AFF3: variants seen among roughly 807,000 people sequenced by gnomAD.
AFF3 encodes ALF transcription elongation factor 3.
In AFF3, 32 loss-of-function variants were observed where a neutral mutation model predicts 129.7. The ratio of observed to expected loss-of-function variants is 0.25; its 90% CI spans 0.19 to 0.33. The LOEUF is 0.33. Among genes scored for constraint, AFF3 ranks in the 10% least tolerant of loss-of-function variants. The pLI is 1.00. For missense variants in AFF3, 1,373 were observed against 1,592.0 expected (o/e 0.86, Z 2.34); for synonymous variants, 644 against 635.4 (o/e 1.01, Z -0.20).
rs979645956 is a variant in AFF3 at position 99,813,034 on chromosome 2, C to CA, written c.921+24442dup. 7.8e-4 allele frequency among the ~76,000 whole-genome samples: 112 copies of CA among 143,110 alleles called. 1 individual carries two copies. In the East Asian group the frequency reaches 0.012, roughly 16 times the overall value. 93.9% of individuals were successfully genotyped at this position (143,110 alleles called of 152,430 possible). ...GTGTCAAAATGAAGGGCTTGACCTC[C>CA]AAAAAAAAAAAGATAATCAGGAAAT... is the stretch of plus-strand genomic sequence containing the variant. On this transcript the variant is annotated intron_variant, in intron 8 of 24. Coordinates refer to ENST00000672756, the MANE Select transcript of AFF3 (RefSeq NM_001386135.1).
chr2:99,800,008 T>G (rs975619152), intron 8 of AFF3, among the ~76,000 whole-genome samples: 2 of 152,122 alleles, frequency 1.3e-5, no homozygotes, highest in African/African-American at 2.4e-5. Flanking sequence ...CATTGTGACT[T>G]TAGATTATAC....
chr2:100,014,807 G>T (rs1397374357), intron 4 of AFF3, among the ~76,000 whole-genome samples: 2 of 107,862 alleles, frequency 1.9e-5, no homozygotes, highest in African/African-American at 7.5e-5. Flanking sequence ...TTTTTTAGAC[G>T]GAGTCTCACT....
chr2:100,050,747 C>T (rs563405782), intron 4 of AFF3, among the ~76,000 whole-genome samples: 2 of 152,320 alleles, frequency 1.3e-5, no homozygotes, highest in South Asian at 4.2e-4. Context: ...ATCATTACCC[C>T]CTCATCTCCC....
At chr2:99,994,419 G>GT (rs974904960) in intron 7 of AFF3, among the ~76,000 whole-genome samples, 15 of 152,056 alleles carry the variant, frequency 9.9e-5, no homozygotes, top group East Asian at 9.7e-4. Flanking sequence ...ATGTTTGTTA[G>GT]TTTTTTTTCC....
intron 7 of AFF3, among the ~76,000 whole-genome samples, chr2:99,942,430 T>A (rs752922496): frequency 1.3e-4 from 20 of 148,542 alleles, no homozygotes; most frequent in Non-Finnish European, 2.4e-4. Context: ...CTTCAGAAAA[T>A]AAGGATGATG....
At chr2:99,834,780 C>G (rs189468333) in intron 8 of AFF3, among the ~76,000 whole-genome samples, 31 of 152,324 alleles carry the variant, frequency 2.0e-4, no homozygotes, top group Middle Eastern at 3.4e-3. Context: ...CTCACTTCCA[C>G]TTGCCAGCGG....
At chr2:100,009,947 G>T (rs554835670) in intron 4 of AFF3, among the ~76,000 whole-genome samples, 3 of 152,236 alleles carry the variant, frequency 2.0e-5, no homozygotes, top group African/African-American at 7.2e-5. Context: ...CAGTGACCTG[G>T]CCATCATTCT....
intron 4 of AFF3, among the ~76,000 whole-genome samples, chr2:100,071,528 G>A (rs1190677657): frequency 2.0e-5 from 3 of 152,074 alleles, no homozygotes; most frequent in African/African-American, 4.8e-5. Flanking sequence ...GAAACACGTC[G>A]GGAGAGAGGA....
At chr2:100,047,258 T>G (rs1685912568) in intron 4 of AFF3, among the ~76,000 whole-genome samples, 1 of 152,238 alleles carries the variant, frequency 6.6e-6, no homozygotes, top group African/African-American at 2.4e-5. Context: ...ATGTGCCCAA[T>G]GTACTTTATT....
At chr2:99,886,006 T>C (rs1693084569) in intron 7 of AFF3, among the ~76,000 whole-genome samples, 1 of 152,118 alleles carries the variant, frequency 6.6e-6, no homozygotes, top group South Asian at 2.1e-4. Context: ...ACGCAGACAG[T>C]GAAAGTTTAT....
At chr2:99,719,299 T>C (rs6542889) in intron 11 of AFF3, among the ~76,000 whole-genome samples, 82,576 of 151,826 alleles carry the variant, frequency 0.54, 22,698 homozygotes, top group East Asian at 0.67. Context: ...TAAATCCTGC[T>C]TAGTCATAGT....
intron 1 of AFF3, among the ~76,000 whole-genome samples, chr2:100,132,489 T>C (rs1692463384): frequency 6.6e-6 from 1 of 152,150 alleles, no homozygotes; most frequent in Non-Finnish European, 1.5e-5. Context: ...CAATAAGATA[T>C]AATAACTTAA....
At chr2:100,042,141 T>C (rs1232841498) in intron 4 of AFF3, among the ~76,000 whole-genome samples, 1 of 152,150 alleles carries the variant, frequency 6.6e-6, no homozygotes, top group Non-Finnish European at 1.5e-5. Flanking sequence ...TCTTTGTCTC[T>C]TGAACAAGCT....
intron 7 of AFF3, among the ~76,000 whole-genome samples, chr2:99,996,118 A>C (rs895521344): frequency 6.6e-6 from 1 of 152,210 alleles, no homozygotes; most frequent in Non-Finnish European, 1.5e-5. Context: ...ATACAAATAA[A>C]TTATAGGATA....
chr2:99,819,910 C>A (rs1558881486), intron 8 of AFF3, among the ~76,000 whole-genome samples: 1 of 152,190 alleles, frequency 6.6e-6, no homozygotes, highest in Non-Finnish European at 1.5e-5. Flanking sequence ...CCTGTTGTTG[C>A]TCTTACTGGG....
intron 7 of AFF3, among the ~76,000 whole-genome samples, chr2:99,880,246 A>G (rs1353522991): frequency 1.3e-5 from 2 of 152,150 alleles, no homozygotes; most frequent in Admixed American, 6.5e-5. Context: ...ACATTTGTAC[A>G]TGTTATTAAA....
At chr2:100,123,967 CA>C (rs1298326634) in intron 2 of AFF3, among the ~76,000 whole-genome samples, 1 of 146,368 alleles carries the variant, frequency 6.8e-6, no homozygotes, top group Non-Finnish European at 1.5e-5. Flanking sequence ...ATTAATATGC[CA>C]GGGGGATTTG....
At position 99,797,074 on chromosome 2, in the gene AFF3, T is replaced by C. The variant is rs72956170; in HGVS notation, c.921+40403A>G. ...ACTCTGTCTGGGTCCAACCAAAGAT[T>C]ACCAGATAGACAGATCACCATACGT... On this transcript the variant is annotated intron_variant, in intron 8 of 24. Transcript: ENST00000672756. Among the ~76,000 whole-genome samples, 791 of 152,188 alleles carry C rather than the reference T, an allele frequency of 5.2e-3. 5 individuals are homozygous for C. The highest frequency in any genetic ancestry group is 0.018 in the African/African-American group (738 of 41,528).
chr2:99,692,527 G>A (rs1243467961), intron 11 of AFF3, among the ~76,000 whole-genome samples: 4 of 152,166 alleles, frequency 2.6e-5, no homozygotes, highest in Non-Finnish European at 5.9e-5. Flanking sequence ...GGGGAGTGGG[G>A]AGGGAGCAGT....
Sources: allele counts gnomAD v4.1 joint callset (sites outside exome capture counted in the v4.1 genomes callset), GRCh38; gene constraint gnomAD v4.1.1; transcripts MANE v1.5; gene names NCBI Gene and HGNC (gene_info 2026-07-23, HGNC 2026-07-21).